The following AHI1 variants were observed in gnomAD, a reference collection of about 807,000 sequenced individuals.
AHI1 encodes Abelson helper integration site 1.
A neutral mutation model predicts 149.3 loss-of-function variants in AHI1; 123 were observed. That is an observed-to-expected ratio of 0.82 (90% CI 0.71 to 0.96). The LOEUF is 0.96. Ranked by LOEUF, AHI1 falls within the 40% of genes least tolerant of loss-of-function variation. AHI1 has a pLI of 0.00. For synonymous variants in AHI1, 475 were observed against 459.8 expected, an observed-to-expected ratio of 1.03 and a Z score of -0.42; for missense variants, 1,439 against 1,422.7, an observed-to-expected ratio of 1.01 and a Z score of -0.18.
intron 24 of AHI1, among the ~76,000 whole-genome samples, chr6:135,336,857 A>C (rs1249774587): frequency 6.6e-6 from 1 of 152,222 alleles, no homozygotes; most frequent in Non-Finnish European, 1.5e-5. Flanking sequence ...GCTATGTGTC[A>C]GGAAGGTGTT....
At chr6:135,424,875 A>G (rs1464741569) in intron 20 of AHI1, among the ~76,000 whole-genome samples, 1 of 151,924 alleles carries the variant, frequency 6.6e-6, no homozygotes, top group Non-Finnish European at 1.5e-5. Context: ...TGAATTTTAT[A>G]CTATTAAAAT....
intron 27 of AHI1, among the ~76,000 whole-genome samples, chr6:135,295,998 G>A (rs1472885158): frequency 2.0e-5 from 3 of 152,038 alleles, no homozygotes; most frequent in African/African-American, 4.8e-5. Context: ...GATTCCAGGC[G>A]CCTGCCACCA....
rs532536934 is a variant in AHI1 at position 135,307,486 on chromosome 6, A to AAGAT, written c.3427-6929_3427-6928insATCT. Among the ~76,000 whole-genome samples the AAGAT allele has an allele frequency of 8.5e-5, 13 of 152,192 alleles. No homozygotes were observed. The South Asian group carries it at 2.7e-3, about 32-fold the overall frequency. The stretch of plus-strand genomic sequence containing the variant: ...CTTTGAGTCTCACAAAGCTGGATAT[A>AAGAT]TCTTTATGTAAAATTCTTGTTTTTA... On this transcript the variant is annotated intron_variant, in intron 26 of 28. Coordinates refer to ENST00000265602, the MANE Select transcript of AHI1 (RefSeq NM_001134831.2).
chr6:135,480,065 CTCT>C (rs1343554858), intron 5 of AHI1, among the ~76,000 whole-genome samples: 1 of 152,198 alleles, frequency 6.6e-6, no homozygotes, highest in Non-Finnish European at 1.5e-5. Flanking sequence ...GTGACTAAAT[CTCT>C]TTTTTTCATA....
At chr6:135,337,856 C>T (rs1005406117) in intron 24 of AHI1, among the ~76,000 whole-genome samples, 1 of 151,652 alleles carries the variant, frequency 6.6e-6, no homozygotes, top group African/African-American at 2.4e-5. Flanking sequence ...TAATTAACTG[C>T]TTATTTTACT....
chr6:135,366,240 TTTTC>T (rs1203357678), intron 23 of AHI1, among the ~76,000 whole-genome samples: 1 of 149,964 alleles, frequency 6.7e-6, no homozygotes, highest in Non-Finnish European at 1.5e-5. Flanking sequence ...TGGTCTGCAG[TTTTC>T]TTTTTTTTTT....
At chr6:135,439,139 G>C (rs1037160765) in intron 14 of AHI1, among the ~76,000 whole-genome samples, 2 of 152,140 alleles carry the variant, frequency 1.3e-5, no homozygotes, top group African/African-American at 4.8e-5. Context: ...AAAATACTTA[G>C]CAGTTCAGAA....
intron 23 of AHI1, among the ~76,000 whole-genome samples, chr6:135,381,453 A>C (rs1006603914): frequency 6.6e-6 from 1 of 152,146 alleles, no homozygotes; most frequent in African/African-American, 2.4e-5. Context: ...CTAAGCATAA[A>C]CTCACTTATT....
chr6:135,302,815 T>C, intron 26 of AHI1: 3 of 1,289,054 alleles, frequency 2.3e-6, no homozygotes, highest in South Asian at 2.5e-5. Flanking sequence ...TGTTTTATTT[T>C]ACCTTTAAAC....
intron 23 of AHI1, among the ~76,000 whole-genome samples, chr6:135,363,623 G>A (rs1274484548): frequency 1.8e-4 from 27 of 151,400 alleles, no homozygotes; most frequent in East Asian, 2.0e-4. Context: ...CAGTAGGGGC[G>A]GCCGGGCAGA....
chr6:135,308,228 AGGTTAATCCTCC>A (rs1196851676), intron 26 of AHI1, among the ~76,000 whole-genome samples: 1 of 152,146 alleles, frequency 6.6e-6, no homozygotes, highest in African/African-American at 2.4e-5. Flanking sequence ...ACTGATATTT[AGGTTAATCCTCC>A]GCTTTTTTTT....
At position 135,448,493 on chromosome 6, in the gene AHI1, T is replaced by C. The variant is rs1303766634; in HGVS notation, c.1441-18A>G. ...CCCAGAAGCTTAAAATAAGAATTCATATAAAATGTTACCTTCATTGAAAAT... is the reference window on the plus strand; with the variant it reads ...CCCAGAAGCTTAAAATAAGAATTCACATAAAATGTTACCTTCATTGAAAAT... On this transcript the variant is annotated intron_variant, in intron 11 of 28. Coordinates refer to ENST00000265602, the MANE Select transcript of AHI1 (RefSeq NM_001134831.2). The C allele has an allele frequency of 1.4e-6, 2 of 1,429,754 alleles. No individual in the cohort carries two copies. Among genetic ancestry groups the C allele is most frequent in the African/African-American group, 1.4e-5 (1 of 71,564 alleles). The allele number at this position is 1,429,754 out of a possible 1,614,324, so 88.6% of individuals were successfully genotyped here.
intron 23 of AHI1, among the ~76,000 whole-genome samples, chr6:135,393,280 A>G (rs1474318181): frequency 6.6e-6 from 1 of 152,152 alleles, no homozygotes; most frequent in African/African-American, 2.4e-5. Flanking sequence ...AAAAATGAAA[A>G]AAAAATTTGT....
At chr6:135,365,034 C>T (rs1298867810) in intron 23 of AHI1, among the ~76,000 whole-genome samples, 1 of 152,192 alleles carries the variant, frequency 6.6e-6, no homozygotes, top group East Asian at 1.9e-4. Flanking sequence ...CATTCTTCTA[C>T]ATGTGGCTTG....
chr6:135,302,606 G>A (rs1022681933), intron 26 of AHI1: 1 of 1,124,354 alleles, frequency 8.9e-7, no homozygotes, highest in African/African-American at 1.7e-5. Flanking sequence ...CAAATTATAT[G>A]AATCCTAAGT....
chr6:135,313,188 T>A (rs181316792), intron 26 of AHI1, among the ~76,000 whole-genome samples: 9 of 152,186 alleles, frequency 5.9e-5, no homozygotes, highest in Non-Finnish European at 1.0e-4. Flanking sequence ...TTCTTTTCCA[T>A]AAACATAGAT....
At chr6:135,349,293 A>G (rs1791713035) in intron 24 of AHI1, among the ~76,000 whole-genome samples, 1 of 152,176 alleles carries the variant, frequency 6.6e-6, no homozygotes, top group Admixed American at 6.5e-5. Context: ...CTTTTCTTAT[A>G]TTAGAAAAAA....
intron 25 of AHI1, among the ~76,000 whole-genome samples, chr6:135,320,331 A>C (rs1241763244): frequency 6.6e-6 from 1 of 152,230 alleles, no homozygotes; most frequent in African/African-American, 2.4e-5. Context: ...ATGGCAGTTG[A>C]AAGATGGTCA....
chr6:135,373,488 A>C (rs1191906389), intron 23 of AHI1, among the ~76,000 whole-genome samples: 3 of 152,236 alleles, frequency 2.0e-5, no homozygotes, highest in Non-Finnish European at 4.4e-5. Context: ...GACTATACTT[A>C]AACATTTCCC....
Sources: gnomAD v4.1 joint callset for allele counts (sites outside exome capture counted in the v4.1 genomes callset) on GRCh38, gnomAD v4.1.1 for gene constraint, MANE v1.5 for transcripts, NCBI Gene and HGNC (gene_info 2026-07-23, HGNC 2026-07-21) for gene names.